Variants in ROR1 observed in about 807,000 individuals in gnomAD.
The protein encoded by ROR1 is ROR family WNT receptor 1.
A neutral mutation model predicts 78.8 loss-of-function variants in ROR1; 19 were observed. The ratio of observed to expected loss-of-function variants is 0.24; its 90% CI spans 0.17 to 0.35. ROR1 has a LOEUF of 0.35. Ranked by LOEUF, ROR1 falls within the 10% of genes least tolerant of loss-of-function variation. The pLI, the probability that ROR1 is intolerant of heterozygous loss-of-function variation, is 1.00. For synonymous variants in ROR1, 386 were observed against 433.6 expected (o/e 0.89, Z 1.36); for missense variants, 917 against 1,177.8 (o/e 0.78, Z 3.24).
At chr1:64,053,940 TTTTTG>T (rs1646853379) in intron 4 of ROR1, among the ~76,000 whole-genome samples, 1 of 144,436 alleles carries the variant, frequency 6.9e-6, no homozygotes, top group Non-Finnish European at 1.5e-5. Flanking sequence ...TTTGTTTTTC[TTTTTG>T]TTTTATTTTA....
At chr1:64,116,939 A>G (rs1341824653) in intron 4 of ROR1, among the ~76,000 whole-genome samples, 1 of 152,206 alleles carries the variant, frequency 6.6e-6, no homozygotes, top group Non-Finnish European at 1.5e-5. Context: ...TGTTATTTCA[A>G]CATTTTATAT....
intron 1 of ROR1, among the ~76,000 whole-genome samples, chr1:63,839,288 T>C (rs1268854810): frequency 1.3e-5 from 2 of 152,174 alleles, no homozygotes; most frequent in Non-Finnish European, 2.9e-5. Context: ...ATTTTGACCA[T>C]ATTTCTAAGA....
chr1:64,045,970 A>G (rs1190728877), intron 2 of ROR1, among the ~76,000 whole-genome samples: 2 of 152,242 alleles, frequency 1.3e-5, no homozygotes, highest in Non-Finnish European at 2.9e-5. Context: ...GCTCAAGCAC[A>G]TATCATCAGA....
intron 1 of ROR1, among the ~76,000 whole-genome samples, chr1:63,940,490 TAGAC>T (rs67116114): frequency 0.022 from 2,010 of 91,436 alleles, 18 homozygotes; most frequent in East Asian, 0.067. Context: ...GACAGATAGA[TAGAC>T]AGACAGATAG....
rs145097477 is a variant in ROR1 at position 63,915,260 on chromosome 1, G to A, written c.92-94045G>A. ...CTGGGCCTGTGGGCAATGCAGACGT[G>A]AGGGAGACCTGGTCTTTGCTGTTAA... is the stretch of plus-strand genomic sequence containing the variant. On this transcript the variant is annotated intron_variant, in intron 1 of 8. Coordinates refer to ENST00000371079, the MANE Select transcript of ROR1 (RefSeq NM_005012.4). Among the ~76,000 whole-genome samples the A allele has an allele frequency of 3.5e-3, 539 of 152,304 alleles. 3 individuals carry two copies. Among genetic ancestry groups the A allele is most frequent in the African/African-American group, 0.012 (505 of 41,562 alleles).
chr1:64,175,162 C>T (rs1284749490), intron 8 of ROR1, among the ~76,000 whole-genome samples: 2 of 151,540 alleles, frequency 1.3e-5, no homozygotes, highest in Non-Finnish European at 2.9e-5. Flanking sequence ...ACTTCCATAC[C>T]CCCAATAATC....
chr1:63,853,903 G>A (rs1338737152), intron 1 of ROR1, among the ~76,000 whole-genome samples: 1 of 152,114 alleles, frequency 6.6e-6, no homozygotes, highest in Non-Finnish European at 1.5e-5. Context: ...TCTAAGAGAT[G>A]GATAAAAACC....
At chr1:63,887,510 C>T (rs1236428715) in intron 1 of ROR1, among the ~76,000 whole-genome samples, 1 of 152,122 alleles carries the variant, frequency 6.6e-6, no homozygotes, top group Non-Finnish European at 1.5e-5. Flanking sequence ...TGCGTTATTT[C>T]AGAAAGTTCC....
At chr1:64,010,484 A>T (rs1363327152) in intron 2 of ROR1, among the ~76,000 whole-genome samples, 2 of 152,094 alleles carry the variant, frequency 1.3e-5, no homozygotes, top group Non-Finnish European at 2.9e-5. Context: ...AGCCATAGCC[A>T]TACATATTTG....
At chr1:63,939,105 T>C (rs1389762531) in intron 1 of ROR1, among the ~76,000 whole-genome samples, 3 of 152,204 alleles carry the variant, frequency 2.0e-5, no homozygotes, top group Non-Finnish European at 4.4e-5. Context: ...GGAAGAAGGA[T>C]CAGGTTGATT....
At chr1:64,008,498 T>G (rs1195090048) in intron 1 of ROR1, among the ~76,000 whole-genome samples, 1 of 152,204 alleles carries the variant, frequency 6.6e-6, no homozygotes, top group Non-Finnish European at 1.5e-5. Context: ...ATTGCTGGGT[T>G]GAATGGTAGG....
intron 4 of ROR1, among the ~76,000 whole-genome samples, chr1:64,075,861 G>T (rs10493354): frequency 6.6e-6 from 1 of 152,076 alleles, no homozygotes; most frequent in Non-Finnish European, 1.5e-5. Context: ...CACCTTTTCA[G>T]AATGTGGTGA....
intron 1 of ROR1, among the ~76,000 whole-genome samples, chr1:63,945,197 T>A (rs114433147): frequency 0.012 from 1,870 of 152,262 alleles, 39 homozygotes; most frequent in African/African-American, 0.042. Flanking sequence ...CTTGGAGACT[T>A]GTTAAGGGTC....
At chr1:63,783,609 C>A (rs902183966) in intron 1 of ROR1, among the ~76,000 whole-genome samples, 2 of 152,192 alleles carry the variant, frequency 1.3e-5, no homozygotes, top group African/African-American at 4.8e-5. Flanking sequence ...AATCCTCCAC[C>A]ATGCCCAAAG....
At chr1:63,996,548 G>GT (rs1458581156) in intron 1 of ROR1, among the ~76,000 whole-genome samples, 1 of 152,184 alleles carries the variant, frequency 6.6e-6, no homozygotes, top group Non-Finnish European at 1.5e-5. Flanking sequence ...CAGGATGATA[G>GT]TAATCCTCTT....
chr1:64,060,454 A>G (rs538355257), intron 4 of ROR1, among the ~76,000 whole-genome samples: 1 of 152,322 alleles, frequency 6.6e-6, no homozygotes, highest in East Asian at 1.9e-4. Context: ...TGCAGAGAAC[A>G]AAGTGACCAG....
chr1:64,032,754 G>A (rs1646671680), intron 2 of ROR1, among the ~76,000 whole-genome samples: 2 of 152,212 alleles, frequency 1.3e-5, no homozygotes, highest in South Asian at 4.1e-4. Flanking sequence ...CCTATTGTAA[G>A]CCTCAAGGAT....
chr1:63,830,578 T>C (rs1352812774), intron 1 of ROR1, among the ~76,000 whole-genome samples: 1 of 152,154 alleles, frequency 6.6e-6, no homozygotes, highest in African/African-American at 2.4e-5. Flanking sequence ...AGCACCCCCA[T>C]GATCCAATCA....
chr1:63,955,675 A>C (rs914276564), intron 1 of ROR1, among the ~76,000 whole-genome samples: 1 of 152,142 alleles, frequency 6.6e-6, no homozygotes, highest in Non-Finnish European at 1.5e-5. Context: ...ATCCCCCAGG[A>C]CCAGAAGAGA....
Sources: allele counts gnomAD v4.1 joint callset (sites outside exome capture counted in the v4.1 genomes callset), GRCh38; gene constraint gnomAD v4.1.1; transcripts MANE v1.5; gene names NCBI Gene and HGNC (gene_info 2026-07-23, HGNC 2026-07-21).